The following SH3BP5 variants were observed in gnomAD, a reference collection of about 807,000 sequenced individuals.
SH3BP5 encodes the protein SH3 domain binding protein 5.
In SH3BP5, 22 loss-of-function variants were observed where a neutral mutation model predicts 43.3. The ratio of observed to expected loss-of-function variants is 0.51; its 90% CI spans 0.36 to 0.73. SH3BP5 has a LOEUF of 0.73. Ranked by LOEUF, SH3BP5 falls within the 30% of genes least tolerant of loss-of-function variation. The pLI is 0.00. For synonymous variants in SH3BP5, 255 were observed against 225.8 expected, an observed-to-expected ratio of 1.13 and a Z score of -1.16; for missense variants, 529 against 586.9, an observed-to-expected ratio of 0.90 and a Z score of 1.02.
chr3:15,335,103 C>A (rs1487656162), upstream of SH3BP5, among the ~76,000 whole-genome samples: 5 of 151,862 alleles, frequency 3.3e-5, no homozygotes, highest in Non-Finnish European at 5.9e-5. Context: ...AAAGCAAGAC[C>A]TGGTCTCTAG....
chr3:15,264,091 G>A (rs1413065975), intron 4 of SH3BP5, among the ~76,000 whole-genome samples: 1 of 152,154 alleles, frequency 6.6e-6, no homozygotes, highest in Non-Finnish European at 1.5e-5. Flanking sequence ...TCAGCCCTAG[G>A]ATAGTTTACT....
At position 15,332,543 on chromosome 3, in the gene SH3BP5, C is replaced by A; in HGVS notation, c.-135G>T. On this transcript the variant is annotated 5_prime_UTR_variant, in exon 1 of 9. Coordinates refer to ENST00000383791, the MANE Select transcript of SH3BP5 (RefSeq NM_004844.5). ...GCCGCCGGGGCCGACACCCGGGAGA[C>A]GCAGCTCGCCGATGCGGATACCTCC... 3.2e-6 allele frequency: 4 copies of A among 1,238,390 alleles called. No individual in the cohort carries two copies. The highest frequency in any genetic ancestry group is 4.0e-6 in the Non-Finnish European group (4 of 993,274). 76.7% of individuals were successfully genotyped at this position (1,238,390 alleles called of 1,614,324 possible). A position where few individuals can be genotyped will look rare whatever the true frequency, so the allele number is the denominator to read the frequency against.
At chr3:15,294,648 G>A (rs1697519119) in intron 3 of SH3BP5, among the ~76,000 whole-genome samples, 1 of 152,110 alleles carries the variant, frequency 6.6e-6, no homozygotes, top group Non-Finnish European at 1.5e-5. Context: ...GGCCAAAAGG[G>A]AAACAATGAC....
chr3:15,330,324 C>T (rs547500374), intron 2 of SH3BP5, among the ~76,000 whole-genome samples, 180 bp downstream of exon 2: 31 of 152,380 alleles, frequency 2.0e-4, no homozygotes, highest in South Asian at 1.7e-3. Flanking sequence ...ATTGGATCCA[C>T]ATGCGTTCCG....
rs60281447 is a variant in SH3BP5 at position 15,299,483 on chromosome 3, ATTTTTTTTTTT to A, written c.330+4609_330+4619del. On this transcript the variant is annotated intron_variant, in intron 3 of 8. Transcript: ENST00000383791. ...CAATTTCCACCAGCTCAACAATTAG[ATTTTTTTTTTT>A]TTTTTTTTTTTTTTTTTGAGTCAGG... is the stretch of plus-strand genomic sequence containing the variant. Among the ~76,000 whole-genome samples the A allele has an allele frequency of 1.2e-3, 113 of 92,276 alleles. 1 individual carries two copies. Among genetic ancestry groups the A allele is most frequent in the African/African-American group, 3.5e-3 (94 of 26,996 alleles). The allele number at this position is 92,276 out of a possible 152,430, so 60.5% of individuals were successfully genotyped here. A position where few individuals can be genotyped will look rare whatever the true frequency, so the allele number is the denominator to read the frequency against.
chr3:15,309,909 C>CG (rs569045228), intron 2 of SH3BP5, among the ~76,000 whole-genome samples: 7 of 108,208 alleles, frequency 6.5e-5, no homozygotes, highest in Non-Finnish European at 1.4e-4. Flanking sequence ...CCGCTCCACC[C>CG]CCCCCCCATA....
At chr3:15,297,961 ACTTTT>A (rs1697622245) in intron 3 of SH3BP5, among the ~76,000 whole-genome samples, 1 of 150,566 alleles carries the variant, frequency 6.6e-6, no homozygotes, top group African/African-American at 2.5e-5. Flanking sequence ...CTGATATACA[ACTTTT>A]CTTTTTCTTT....
chr3:15,340,605 GC>G (rs1268910561), intron 1 of SH3BP5, among the ~76,000 whole-genome samples: 1 of 151,856 alleles, frequency 6.6e-6, no homozygotes, highest in Non-Finnish European at 1.5e-5. Context: ...ACAAAAATTA[GC>G]CAGGCGTGGT....
intron 2 of SH3BP5, among the ~76,000 whole-genome samples, chr3:15,329,163 T>A (rs548100965): frequency 3.7e-4 from 56 of 151,372 alleles, no homozygotes; most frequent in Admixed American, 5.3e-4. Flanking sequence ...AAAAAAAAAA[T>A]TTTAATTAAA....
intron 3 of SH3BP5, among the ~76,000 whole-genome samples, chr3:15,270,220 C>T (rs1696761390): frequency 6.6e-6 from 1 of 152,214 alleles, no homozygotes; most frequent in African/African-American, 2.4e-5. Context: ...TCACTCGAGG[C>T]CTGTCACCTT....
chr3:15,295,605 G>C (rs892248247), intron 3 of SH3BP5, among the ~76,000 whole-genome samples: 7 of 152,210 alleles, frequency 4.6e-5, no homozygotes, highest in African/African-American at 1.7e-4. Context: ...CGTTCAGGCA[G>C]AAGTTATACC....
intron 5 of SH3BP5, chr3:15,260,165 C>T (rs1203690589): frequency 3.8e-6 from 1 of 266,032 alleles, no homozygotes; most frequent in Non-Finnish European, 7.2e-6. Context: ...GATCTGCTCT[C>T]CTAATGAAGT....
intron 4 of SH3BP5, among the ~76,000 whole-genome samples, chr3:15,267,200 C>T (rs1247651954): frequency 6.6e-6 from 1 of 152,198 alleles, no homozygotes; most frequent in Non-Finnish European, 1.5e-5. Context: ...ATGAGCACCA[C>T]TGGGGGAAAC....
At chr3:15,279,429 T>C (rs1374041898) in intron 3 of SH3BP5, among the ~76,000 whole-genome samples, 1 of 152,190 alleles carries the variant, frequency 6.6e-6, no homozygotes, top group African/African-American at 2.4e-5. Flanking sequence ...CAGAGCCCTT[T>C]AATATGTCGG....
intron 4 of SH3BP5, among the ~76,000 whole-genome samples, chr3:15,268,139 G>C (rs1269011245): frequency 5.9e-5 from 9 of 152,200 alleles, no homozygotes; most frequent in Non-Finnish European, 4.4e-5. Flanking sequence ...GAGGCGCAAG[G>C]CCACACAAAG....
chr3:15,309,906 ACC>A (rs67572916), intron 2 of SH3BP5, among the ~76,000 whole-genome samples: 22,534 of 126,008 alleles, frequency 0.18, 2,050 homozygotes, highest in South Asian at 0.37. Context: ...TCCCCGCTCC[ACC>A]CCCCCCCCAT....
intron 2 of SH3BP5, among the ~76,000 whole-genome samples, chr3:15,312,448 A>G (rs1393878765): frequency 1.3e-5 from 2 of 152,226 alleles, no homozygotes; most frequent in Non-Finnish European, 2.9e-5. Flanking sequence ...ACAAAAACAA[A>G]GCTCTCTGGG....
Position 15,255,128 on chromosome 3 carries a change from C to G in SH3BP5, c.*958G>C, listed in dbSNP as rs1389465665. On this transcript the variant is annotated 3_prime_UTR_variant, in exon 9 of 9. Transcript: ENST00000383791. Reference sequence around the variant, plus strand: ...GAAAAGCAGTCTTAACACTTAACTACTATTAACAGCCTTTGCCAACACATG... The same window carrying G: ...GAAAAGCAGTCTTAACACTTAACTAGTATTAACAGCCTTTGCCAACACATG... 1 of 152,636 alleles carries G rather than the reference C, an allele frequency of 6.6e-6. No homozygotes were observed. Among genetic ancestry groups the G allele is most frequent in the East Asian group, 1.9e-4 (1 of 5,202 alleles). The allele number at this position is 152,636 out of a possible 1,614,324, so 9.5% of individuals were successfully genotyped here. A position where few individuals can be genotyped will look rare whatever the true frequency, so the allele number is the denominator to read the frequency against.
At chr3:15,262,646 ACT>A (rs1441996040) in intron 4 of SH3BP5, among the ~76,000 whole-genome samples, 2 of 151,234 alleles carry the variant, frequency 1.3e-5, no homozygotes, top group Admixed American at 1.3e-4. Context: ...ACAGAGTGAG[ACT>A]CTGTCTCAAA....
Sources: allele counts gnomAD v4.1 joint callset (sites outside exome capture counted in the v4.1 genomes callset), GRCh38; gene constraint gnomAD v4.1.1; transcripts MANE v1.5; gene names NCBI Gene and HGNC (gene_info 2026-07-23, HGNC 2026-07-21).